Variants in CCDC18 observed in about 807,000 individuals in gnomAD.
The protein encoded by CCDC18 is coiled-coil domain-containing protein 18.
In CCDC18, 157 loss-of-function variants were observed where a neutral mutation model predicts 196.0. That is an observed-to-expected ratio of 0.80 (90% CI 0.70 to 0.91). The LOEUF (loss-of-function observed/expected upper bound fraction) is 0.91, where lower values mean the gene tolerates loss of function less well. Ranked by LOEUF, CCDC18 falls within the 40% of genes least tolerant of loss-of-function variation. The pLI is 0.00. For synonymous variants in CCDC18, 482 were observed against 529.2 expected (o/e 0.91, Z 1.22); for missense variants, 1,465 against 1,611.6 (o/e 0.91, Z 1.56).
At chr1:93,247,427 TG>T (rs1661628762) in intron 23 of CCDC18, among the ~76,000 whole-genome samples, 1 of 152,066 alleles carries the variant, frequency 6.6e-6, no homozygotes, top group Non-Finnish European at 1.5e-5. Context: ...TTTTTGTTTG[TG>T]TTTTGAGACA....
At chr1:93,227,785 A>G (rs1658611834) in intron 17 of CCDC18, among the ~76,000 whole-genome samples, 1 of 150,880 alleles carries the variant, frequency 6.6e-6, no homozygotes, top group South Asian at 2.1e-4. Context: ...GCAAAACCCC[A>G]TCTCTACAAA....
At chr1:93,254,749 G>A (rs936678764) in intron 24 of CCDC18, 135 bp downstream of exon 24, 68 of 816,318 alleles carry the variant, frequency 8.3e-5, no homozygotes, top group Middle Eastern at 6.7e-4. Flanking sequence ...TTTTGTGCCA[G>A]AAACCTGTTA....
At chr1:93,208,786 C>T (rs529975090) in intron 9 of CCDC18, among the ~76,000 whole-genome samples, 2 of 152,212 alleles carry the variant, frequency 1.3e-5, no homozygotes, top group African/African-American at 4.8e-5. Flanking sequence ...CCTGCCTTAT[C>T]CTCCCAAGCA....
chr1:93,236,051 T>C (rs1355652281), intron 18 of CCDC18, among the ~76,000 whole-genome samples, 197 bp from the exon 19 acceptor site: 1 of 152,198 alleles, frequency 6.6e-6, no homozygotes. Flanking sequence ...ATGTGGCCAC[T>C]TCCCTAAATA....
At chr1:93,258,611 A>G in intron 25 of CCDC18, 137 bp from the exon 26 acceptor site, 1 of 565,148 alleles carries the variant, frequency 1.8e-6, no homozygotes, top group Non-Finnish European at 2.8e-6. Context: ...AAAGCATACT[A>G]TTTAGTAAGT....
At chr1:93,240,344 A>C (rs1049318872) in intron 21 of CCDC18, among the ~76,000 whole-genome samples, 1 of 152,188 alleles carries the variant, frequency 6.6e-6, no homozygotes, top group Admixed American at 6.5e-5. Context: ...GCCCCAAGTC[A>C]TACAGGTAGT....
chr1:93,239,407 C>T lies in CCDC18; in HGVS notation c.2701C>T (p.His901Tyr), dbSNP rs1557674756. 5.6e-6 allele frequency: 9 copies of T among 1,613,052 alleles called. No individual in the cohort carries two copies. The highest frequency in any genetic ancestry group is 7.6e-6 in the Non-Finnish European group (9 of 1,179,444). ...ACGAGATGGAGAAAATAAAGCAATGCACCTCTCTCAATTAGATATGATCTT... is the reference window on the plus strand; with the variant it reads ...ACGAGATGGAGAAAATAAAGCAATGTACCTCTCTCAATTAGATATGATCTT... ...LKRDGENKAM[H>Y]LSQLDMILDQ... Residue 901 changes from histidine to tyrosine, a missense_variant, in exon 20 of 29, where the codon CAC (histidine) becomes TAC (tyrosine). Transcript: ENST00000690025.
chr1:93,260,057 C>G (rs898414806), intron 26 of CCDC18, among the ~76,000 whole-genome samples: 1 of 152,078 alleles, frequency 6.6e-6, no homozygotes, highest in Admixed American at 6.6e-5. Flanking sequence ...CTCAGATAAC[C>G]CTCCCCACTC....
At chr1:93,205,097 TCTC>T (rs1654516273) in intron 7 of CCDC18, among the ~76,000 whole-genome samples, 1 of 152,174 alleles carries the variant, frequency 6.6e-6, no homozygotes, top group Admixed American at 6.6e-5. Context: ...TACCCAATCT[TCTC>T]CTCTCAACAG....
chr1:93,221,314 C>T (rs1657397037), intron 14 of CCDC18, among the ~76,000 whole-genome samples: 1 of 151,960 alleles, frequency 6.6e-6, no homozygotes. Context: ...TTAATAATTG[C>T]CATTCTGACT....
In CCDC18 at chr1:93,201,894, C is replaced by G. The variant is rs1467429857; in HGVS notation, c.701C>G (p.Ala234Gly). The G allele has an allele frequency of 3.2e-6, 5 of 1,571,004 alleles. No homozygotes were observed. Among genetic ancestry groups the G allele is most frequent in the African/African-American group, 1.4e-5 (1 of 72,752 alleles). ...LLEQTKQGKR[A>G]ERQRNEALYN... ...CATTATCTCTTTTTAAATTTTAGAG[C>G]TGAACGACAAAGGAATGAAGCACTA... The change falls in exon 7 of 29, where the codon GCT becomes GGT. Residue 234 changes from alanine to glycine, a missense_variant and splice_region_variant. Ala to Gly is a moderately conservative substitution (Grantham distance 60, BLOSUM62 0). Transcript: ENST00000690025.
chr1:93,234,135 G>GT (rs202004877), intron 18 of CCDC18, among the ~76,000 whole-genome samples: 7,115 of 149,072 alleles, frequency 0.048, 228 homozygotes, highest in Non-Finnish European at 0.067. Context: ...GTTTTGTTTT[G>GT]TTTTTTTTTA....
intron 26 of CCDC18, among the ~76,000 whole-genome samples, chr1:93,262,923 A>G (rs1041348575): frequency 6.6e-6 from 1 of 152,192 alleles, no homozygotes; most frequent in Non-Finnish European, 1.5e-5. Context: ...AGAGCCTCCC[A>G]AAGCTCAACT....
In CCDC18 at chr1:93,223,283, C is replaced by G. The variant is rs78516966; in HGVS notation, c.2175+1347C>G. On this transcript the variant is annotated intron_variant, in intron 16 of 28. Coordinates refer to ENST00000690025, the MANE Select transcript of CCDC18 (RefSeq NM_001378204.1). ...TGAAGTATGATGTTGGATTTTATTC[C>G]TTTAACATCTTTAGCAGGTTTGCTG... 6.4e-3 allele frequency among the ~76,000 whole-genome samples: 970 copies of G among 152,186 alleles called. 4 individuals are homozygous for G. Among genetic ancestry groups the G allele is most frequent in the Non-Finnish European group, 0.011 (715 of 67,994 alleles).
intron 5 of CCDC18, among the ~76,000 whole-genome samples, chr1:93,192,627 A>G (rs1187727933): frequency 1.3e-5 from 2 of 152,146 alleles, no homozygotes; most frequent in African/African-American, 2.4e-5. Flanking sequence ...TTGTAGAGAC[A>G]GGGTCTCACT....
At chr1:93,180,579 A>G (rs1286361118), upstream of CCDC18, 5 of 1,406,798 alleles carry the variant, frequency 3.6e-6, no homozygotes, top group Non-Finnish European at 4.7e-6. Flanking sequence ...TGGGAAATGT[A>G]GTCCCGGGCG....
At position 93,227,174 on chromosome 1, in the gene CCDC18, CTT is replaced by C. The variant is rs36053002; in HGVS notation, c.2292+746_2292+747del. ...GTTTCTCAGATACTGCATTGGAAAC[CTT>C]TTTTTTTTTTTTTTTTTTTTGAGAT... is the stretch of plus-strand genomic sequence containing the variant. On this transcript the variant is annotated intron_variant, in intron 17 of 28. Transcript: ENST00000690025. Among the ~76,000 whole-genome samples, 620 of 103,654 alleles carry C rather than the reference CTT, an allele frequency of 6.0e-3. 2 individuals are homozygous for C. The highest frequency in any genetic ancestry group is 0.025 in the African/African-American group (587 of 23,418). 68.0% of individuals were successfully genotyped at this position (103,654 alleles called of 152,430 possible).
intron 23 of CCDC18, among the ~76,000 whole-genome samples, chr1:93,251,307 T>C (rs1662219904): frequency 6.6e-6 from 1 of 152,234 alleles, no homozygotes; most frequent in Non-Finnish European, 1.5e-5. Context: ...TATCTCTGAA[T>C]AAATTGTTGT....
intron 23 of CCDC18, among the ~76,000 whole-genome samples, chr1:93,253,061 A>G (rs1662477936): frequency 6.6e-6 from 1 of 152,214 alleles, no homozygotes; most frequent in Non-Finnish European, 1.5e-5. Flanking sequence ...AGTTGCAATG[A>G]GAGGGGCTGG....
Sources: allele counts gnomAD v4.1 joint callset (sites outside exome capture counted in the v4.1 genomes callset), GRCh38; gene constraint gnomAD v4.1.1; transcripts MANE v1.5; gene names NCBI Gene and HGNC (gene_info 2026-07-23, HGNC 2026-07-21).